The following SPOCK3 variants were observed in gnomAD, a reference collection of about 807,000 sequenced individuals.
SPOCK3 encodes testican-3.
A neutral mutation model predicts 56.6 loss-of-function variants in SPOCK3; 30 were observed. That is an observed-to-expected ratio of 0.53 (90% CI 0.40 to 0.72). SPOCK3 has a LOEUF of 0.72. Among genes scored for constraint, SPOCK3 ranks in the 30% least tolerant of loss-of-function variants. The pLI is 0.00. For missense variants in SPOCK3, 527 were observed against 530.0 expected, an observed-to-expected ratio of 0.99 and a Z score of 0.06; for synonymous variants, 196 against 183.3, an observed-to-expected ratio of 1.07 and a Z score of -0.56.
At chr4:167,059,000 T>G (rs981658311) in intron 3 of SPOCK3, among the ~76,000 whole-genome samples, 1 of 151,814 alleles carries the variant, frequency 6.6e-6, no homozygotes, top group African/African-American at 2.4e-5. Context: ...AAAAATCAAT[T>G]CAAGATGGAT....
At chr4:166,964,823 T>A (rs1430669139) in intron 4 of SPOCK3, among the ~76,000 whole-genome samples, 1 of 151,576 alleles carries the variant, frequency 6.6e-6, no homozygotes, top group Non-Finnish European at 1.5e-5. Flanking sequence ...ATACATTTTA[T>A]TTTTTTTCTA....
chr4:167,174,182 CATAAG>C (rs746393615), intron 2 of SPOCK3, among the ~76,000 whole-genome samples: 1 of 151,760 alleles, frequency 6.6e-6, no homozygotes, highest in African/African-American at 2.4e-5. Context: ...AAACAGCAGT[CATAAG>C]ATATTATATT....
chr4:166,996,824 A>G (rs915458738), intron 4 of SPOCK3, among the ~76,000 whole-genome samples: 2 of 152,102 alleles, frequency 1.3e-5, no homozygotes, highest in African/African-American at 4.8e-5. Flanking sequence ...GATTCACCTA[A>G]TCATGTTATT....
At chr4:166,957,951 T>C (rs1044799201) in intron 4 of SPOCK3, among the ~76,000 whole-genome samples, 1 of 151,812 alleles carries the variant, frequency 6.6e-6, no homozygotes, top group Non-Finnish European at 1.5e-5. Context: ...AATTGGGGGG[T>C]TACTGGGAAG....
chr4:167,144,331 C>A (rs924586719), intron 2 of SPOCK3, among the ~76,000 whole-genome samples: 3 of 151,900 alleles, frequency 2.0e-5, no homozygotes, highest in African/African-American at 7.2e-5. Flanking sequence ...AATGTACAGT[C>A]AATTACCCAA....
At chr4:167,107,293 G>A (rs1016704136) in intron 2 of SPOCK3, among the ~76,000 whole-genome samples, 1 of 151,820 alleles carries the variant, frequency 6.6e-6, no homozygotes. Context: ...ACATTGAAAA[G>A]ATCATTAGTC....
intron 4 of SPOCK3, among the ~76,000 whole-genome samples, chr4:166,933,750 A>G (rs1740061003): frequency 6.6e-6 from 1 of 152,140 alleles, no homozygotes; most frequent in South Asian, 2.1e-4. Flanking sequence ...CTTTATAATA[A>G]ATATAATGTT....
intron 2 of SPOCK3, among the ~76,000 whole-genome samples, chr4:167,143,301 A>T (rs533660657): frequency 1.3e-5 from 2 of 152,056 alleles, no homozygotes; most frequent in South Asian, 4.1e-4. Flanking sequence ...TCTTCAGGTA[A>T]CTTGTAAAGT....
At chr4:167,091,491 A>T (rs980450033) in intron 2 of SPOCK3, among the ~76,000 whole-genome samples, 1 of 152,146 alleles carries the variant, frequency 6.6e-6, no homozygotes, top group Non-Finnish European at 1.5e-5. Flanking sequence ...AATATGTAAA[A>T]TCACTCTCTA....
intron 2 of SPOCK3, among the ~76,000 whole-genome samples, chr4:167,227,497 T>C (rs193068712): frequency 2.0e-5 from 3 of 152,180 alleles, no homozygotes; most frequent in Non-Finnish European, 4.4e-5. Context: ...GAGACAATTA[T>C]TGTGGTAATG....
intron 4 of SPOCK3, among the ~76,000 whole-genome samples, chr4:166,991,409 A>G (rs1747777404): frequency 6.6e-6 from 1 of 151,010 alleles, no homozygotes; most frequent in African/African-American, 2.4e-5. Flanking sequence ...TCCCTCTGTC[A>G]CCCAGGCTGG....
chr4:166,832,924 C>T (rs890960749), intron 6 of SPOCK3, among the ~76,000 whole-genome samples: 14 of 151,962 alleles, frequency 9.2e-5, no homozygotes, highest in African/African-American at 2.4e-4. Context: ...AGAAGGTGGA[C>T]GAGGATTGAA....
chr4:167,161,210 C>T (rs1042114188), intron 2 of SPOCK3, among the ~76,000 whole-genome samples: 3 of 151,730 alleles, frequency 2.0e-5, no homozygotes, highest in South Asian at 4.2e-4. Flanking sequence ...AAAAACAACC[C>T]CATTAACAAG....
At chr4:166,956,147 C>T (rs28376120) in intron 4 of SPOCK3, among the ~76,000 whole-genome samples, 1,760 of 152,106 alleles carry the variant, frequency 0.012, 38 homozygotes, top group African/African-American at 0.04. Context: ...ATTAGTCCCT[C>T]ATTATTTTGA....
chr4:166,912,606 G>T lies in SPOCK3; in HGVS notation c.474+14C>A, dbSNP rs747475960. On this transcript the variant is annotated intron_variant, in intron 5 of 10. Coordinates refer to ENST00000357545, the MANE Select transcript of SPOCK3 (RefSeq NM_001040159.2). ...ATCCCTTATTTCAAACTAAACAACT[G>T]TAGGTGTCTTTACCTGAAAAGAGTA... 3 of 1,613,016 alleles carry T rather than the reference G, an allele frequency of 1.9e-6. No individual in the cohort carries two copies. The highest frequency in any genetic ancestry group is 2.5e-6 in the Non-Finnish European group (3 of 1,179,358).
At chr4:167,142,734 T>C (rs1479421405) in intron 2 of SPOCK3, among the ~76,000 whole-genome samples, 1 of 152,024 alleles carries the variant, frequency 6.6e-6, no homozygotes, top group Non-Finnish European at 1.5e-5. Flanking sequence ...TTATTAATTT[T>C]AGGAAATAGA....
At chr4:166,736,391 C>T (rs981834376) in intron 10 of SPOCK3, among the ~76,000 whole-genome samples, 2 of 152,064 alleles carry the variant, frequency 1.3e-5, no homozygotes, top group African/African-American at 4.8e-5. Context: ...GATGTGTTCC[C>T]TATATGTAAA....
intron 6 of SPOCK3, among the ~76,000 whole-genome samples, chr4:166,824,428 C>T (rs1745245665): frequency 6.6e-6 from 1 of 152,042 alleles, no homozygotes; most frequent in African/African-American, 2.4e-5. Flanking sequence ...AGTATTTCTT[C>T]TCTCTCTAGT....
At chr4:167,090,142 G>A (rs1277635447) in intron 2 of SPOCK3, among the ~76,000 whole-genome samples, 1 of 152,064 alleles carries the variant, frequency 6.6e-6, no homozygotes, top group Non-Finnish European at 1.5e-5. Flanking sequence ...AAATACTTAT[G>A]AGTAGGACTG....
Sources: gnomAD v4.1 joint callset for allele counts (sites outside exome capture counted in the v4.1 genomes callset) on GRCh38, gnomAD v4.1.1 for gene constraint, MANE v1.5 for transcripts, NCBI Gene and HGNC (gene_info 2026-07-23, HGNC 2026-07-21) for gene names.